The following ZFYVE26 variants were observed in gnomAD, a reference collection of about 807,000 sequenced individuals.
ZFYVE26 encodes the protein zinc finger FYVE domain-containing protein 26.
ZFYVE26 carries 181 observed loss-of-function variants against 276.5 expected under a neutral mutation model. That is an observed-to-expected ratio of 0.65 (90% CI 0.58 to 0.74). ZFYVE26 has a LOEUF of 0.74. ZFYVE26 is among the 30% of genes least tolerant of loss of function. The probability of loss-of-function intolerance (pLI) is 0.00; values close to 1 mark genes in which losing one functional copy is unlikely to be tolerated. For synonymous variants in ZFYVE26, 1,129 were observed against 1,203.1 expected, an observed-to-expected ratio of 0.94 and a Z score of 1.27; for missense variants, 2,821 against 3,097.9, an observed-to-expected ratio of 0.91 and a Z score of 2.12.
chr14:67,735,204 TC>T, intron 13 of ZFYVE26: 1 of 1,447,468 alleles, frequency 6.9e-7, no homozygotes, highest in Non-Finnish European at 9.7e-7. Flanking sequence ...GATTCCAGAC[TC>T]CATCATTTCT....
At chr14:67,784,583 T>C (rs547654903) in intron 19 of ZFYVE26, 147 bp from the exon 20 acceptor site, 1 of 763,696 alleles carries the variant, frequency 1.3e-6, no homozygotes, top group African/African-American at 1.7e-5. Context: ...TAAAGGGTAT[T>C]CTCAACATGA....
At position 67,805,601 on chromosome 14, in the gene ZFYVE26, C is replaced by T; in HGVS notation, c.1035G>A (p.Leu345=). 2 of 1,614,112 alleles carry T rather than the reference C, an allele frequency of 1.2e-6. No homozygotes were observed. Among genetic ancestry groups the T allele is most frequent in the Non-Finnish European group, 1.7e-6 (2 of 1,180,030 alleles). ...GATTTGGGAAGTCTTCTTCTTTCAA[C>T]AATGTTAGTGCTGTTACCTGTAAGT... ...LEQILVTALT[L]LKEEDFPNLG... is the part of the protein sequence containing the mutation. Residue 345 remains leucine (L), a synonymous_variant, in exon 7 of 42, where the codon TTG becomes TTA. Coordinates refer to ENST00000347230, the MANE Select transcript of ZFYVE26 (RefSeq NM_015346.4).
At chr14:67,729,473 C>T (rs2038239178) in exon 14 of ZFYVE26, 2 of 1,259,412 alleles carry the variant, frequency 1.6e-6, no homozygotes, top group Non-Finnish European at 2.3e-6. Flanking sequence ...TGAGTTTGTG[C>T]CTGATGATGC....
At chr14:67,763,561 A>C (rs1358383799) in intron 32 of ZFYVE26, among the ~76,000 whole-genome samples, 1 of 152,240 alleles carries the variant, frequency 6.6e-6, no homozygotes, top group African/African-American at 2.4e-5. Context: ...AATAGATCAT[A>C]ACCTAGGTGG....
Position 67,776,117 on chromosome 14 carries a change from GGTAGATCCATA to G in ZFYVE26, c.4975-22_4975-12del. On this transcript the variant is annotated splice_polypyrimidine_tract_variant and intron_variant, in intron 25 of 41. Coordinates refer to ENST00000347230, the MANE Select transcript of ZFYVE26 (RefSeq NM_015346.4). ...CAGGGTCAGCAGAATCTGTTTGTGG[GGTAGATCCATA>G]GAGTAAAGAAAATAGTACACAAATT... The G allele has an allele frequency of 6.2e-7, 1 of 1,613,930 alleles. No individual in the cohort carries two copies. The highest frequency in any genetic ancestry group is 8.5e-7 in the Non-Finnish European group (1 of 1,179,952).
chr14:67,809,408 CT>C (rs10580613), intron 3 of ZFYVE26, 119 bp from the exon 4 acceptor site: 38,032 of 209,298 alleles, frequency 0.18, 942 homozygotes, highest in African/African-American at 0.25. Flanking sequence ...ATGAAGCACT[CT>C]TTTTTTTTTT....
chr14:67,746,194 C>T (rs1032207508), downstream of ZFYVE26, among the ~76,000 whole-genome samples: 2 of 152,052 alleles, frequency 1.3e-5, no homozygotes, highest in Non-Finnish European at 2.9e-5. Context: ...ACAATGGTGG[C>T]CTCTGGGAGG....
intron 32 of ZFYVE26, among the ~76,000 whole-genome samples, chr14:67,763,586 C>T (rs2038988601): frequency 6.6e-6 from 1 of 152,112 alleles, no homozygotes; most frequent in Non-Finnish European, 1.5e-5. Context: ...AAGGCTATAC[C>T]CTCTGGGTTT....
Position 67,766,453 on chromosome 14 carries a change from C to T in ZFYVE26, c.5791-6G>A, listed in dbSNP as rs771906344. 6.2e-6 allele frequency: 10 copies of T among 1,611,808 alleles called. No individual in the cohort carries two copies. The highest frequency in any genetic ancestry group is 5.3e-5 in the African/African-American group (4 of 74,834). On this transcript the variant is annotated splice_region_variant and splice_polypyrimidine_tract_variant and intron_variant, in intron 31 of 41. Transcript: ENST00000347230. ...CACAAGGAGGCGCTGGGGGCCTGGCCGGGGTGGAAGAAGGGAGAACACACG... is the reference window on the plus strand; with the variant it reads ...CACAAGGAGGCGCTGGGGGCCTGGCTGGGGTGGAAGAAGGGAGAACACACG...
chr14:67,729,234 C>T, exon 14 of ZFYVE26: 1 of 1,611,296 alleles, frequency 6.2e-7, no homozygotes, highest in Non-Finnish European at 8.5e-7. Flanking sequence ...GCGTCGTCCG[C>T]TCTGAGCTGG....
Position 67,748,601 on chromosome 14 carries a change from G to T in ZFYVE26, c.7455C>A (p.Ala2485=). The T allele has an allele frequency of 6.2e-7, 1 of 1,614,156 alleles. No homozygotes were observed. The highest frequency in any genetic ancestry group is 1.1e-5 in the South Asian group (1 of 91,082). Residue 2485 remains alanine, a synonymous_variant, in exon 42 of 42, where the codon GCC becomes GCA. Coordinates refer to ENST00000347230, the MANE Select transcript of ZFYVE26 (RefSeq NM_015346.4). The part of the protein sequence containing the change: ...AYLICCKLRS[A]YLIAVKQEHS... ...GTTCTTGCTTCACAGCAATCAAGTA[G>T]GCAGAACGCAGTTTGCAACATATCA...
chr14:67,761,292 C>T (rs766170392), intron 35 of ZFYVE26, 74 bp downstream of exon 35: 2 of 1,393,322 alleles, frequency 1.4e-6, no homozygotes, highest in South Asian at 2.5e-5. Flanking sequence ...GGTTATTGTC[C>T]CGCTTAAGGC....
chr14:67,768,611 C>G lies in ZFYVE26; in HGVS notation c.5622-63G>C. 3.3e-6 allele frequency: 5 copies of G among 1,523,816 alleles called. No individual in the cohort carries two copies. In the East Asian group the frequency reaches 6.8e-5, roughly 21 times the overall value. The allele number at this position is 1,523,816 out of a possible 1,614,324, so 94.4% of individuals were successfully genotyped here. A position where few individuals can be genotyped will look rare whatever the true frequency, so the allele number is the denominator to read the frequency against. Reference sequence around the variant, plus strand: ...TGAGTCACTTCTTTGTTTTGAGCTTCGTAGACAGCATCAACTTACAGTGTC... The same window carrying G: ...TGAGTCACTTCTTTGTTTTGAGCTTGGTAGACAGCATCAACTTACAGTGTC... On this transcript the variant is annotated intron_variant, in intron 29 of 41. Transcript: ENST00000347230.
intron 3 of ZFYVE26, among the ~76,000 whole-genome samples, chr14:67,810,832 T>C (rs2040284404): frequency 6.6e-6 from 1 of 152,158 alleles, no homozygotes; most frequent in South Asian, 2.1e-4. Context: ...AGATAAGTTT[T>C]ATTGGAAGGC....
Position 67,809,220 on chromosome 14 carries a change from T to G in ZFYVE26, c.343A>C (p.Ile115Leu). The G allele has an allele frequency of 6.2e-7, 1 of 1,614,130 alleles. No homozygotes were observed. Among genetic ancestry groups the G allele is most frequent in the Non-Finnish European group, 8.5e-7 (1 of 1,180,020 alleles). The change falls in exon 4 of 42, where the codon ATT (isoleucine) becomes CTT (leucine). Residue 115 changes from isoleucine to leucine, a missense_variant. Coordinates refer to ENST00000347230, the MANE Select transcript of ZFYVE26 (RefSeq NM_015346.4). ...LLLSEDLQGD[I>L]PENILEELYE... The stretch of plus-strand genomic sequence containing the variant: ...CTCACCTCGAGGATGTTCTCTGGAA[T>G]GTCACCTTGGAGGTCTTCTGACAAT...
At chr14:67,773,082 A>G (rs1471136803) in intron 27 of ZFYVE26, among the ~76,000 whole-genome samples, 1 of 152,216 alleles carries the variant, frequency 6.6e-6, no homozygotes, top group South Asian at 2.1e-4. Context: ...ACAGCTGGAG[A>G]AATTTGAATA....
chr14:67,775,812 G>T, intron 26 of ZFYVE26, 48 bp downstream of exon 26: 1 of 1,613,282 alleles, frequency 6.2e-7, no homozygotes, highest in Non-Finnish European at 8.5e-7. Flanking sequence ...ATGCAGCATG[G>T]CATTTCTTCC....
At chr14:67,784,634 A>C (rs1465832043) in intron 19 of ZFYVE26, among the ~76,000 whole-genome samples, 198 bp from the exon 20 acceptor site, 2 of 152,164 alleles carry the variant, frequency 1.3e-5, no homozygotes, top group Admixed American at 6.5e-5. Context: ...CACTGCTCTA[A>C]AGACTTCCAA....
rs374310868 is a variant in ZFYVE26 at position 67,798,088 on chromosome 14, C to T, written c.2174G>A (p.Arg725His). The change falls in exon 11 of 42, where the codon CGC (arginine) becomes CAC (histidine). Residue 725 changes from arginine (R) to histidine (H), a missense_variant. Physicochemically the swap from Arg to His is conservative, Grantham distance 29. Coordinates refer to ENST00000347230, the MANE Select transcript of ZFYVE26 (RefSeq NM_015346.4). ...CSGSRDGLQS[R>H]LHRLSKVVSE... ...GACAACCTTGGAAAGTCGATGCAGG[C>T]GGCTCTGCAGTCCATCTCTGCTTCC... The T allele has an allele frequency of 1.7e-5, 28 of 1,614,054 alleles. No individual in the cohort carries two copies. Among genetic ancestry groups the T allele is most frequent in the Admixed American group, 3.3e-5 (2 of 60,000 alleles).
Sources: allele counts gnomAD v4.1 joint callset (sites outside exome capture counted in the v4.1 genomes callset), GRCh38; gene constraint gnomAD v4.1.1; transcripts MANE v1.5; gene names NCBI Gene and HGNC (gene_info 2026-07-23, HGNC 2026-07-21).